Variants in SLCO2B1 observed in about 807,000 individuals in gnomAD.
The protein encoded by SLCO2B1 is OATP-RP2.
Under a neutral mutation model 67.3 loss-of-function variants are expected in SLCO2B1, and 41 were observed. That is an observed-to-expected ratio of 0.61 (90% CI 0.47 to 0.79). The LOEUF (loss-of-function observed/expected upper bound fraction) is 0.79, where lower values mean the gene tolerates loss of function less well. SLCO2B1 is among the 30% of genes least tolerant of loss of function. SLCO2B1 has a pLI of 0.00. For synonymous variants in SLCO2B1, 379 were observed against 381.4 expected, an observed-to-expected ratio of 0.99 and a Z score of 0.07; for missense variants, 837 against 920.1, an observed-to-expected ratio of 0.91 and a Z score of 1.17.
intron 7 of SLCO2B1, among the ~76,000 whole-genome samples, chr11:75,182,973 G>C (rs908842483): frequency 1.3e-5 from 2 of 152,088 alleles, no homozygotes; most frequent in African/African-American, 2.4e-5. Context: ...CAGCTGTCCA[G>C]GACCCTCCCA....
intron 11 of SLCO2B1, chr11:75,202,310 C>T (rs1489008954): frequency 6.5e-6 from 1 of 152,800 alleles, no homozygotes; most frequent in Admixed American, 6.5e-5. Context: ...AACACAGCCT[C>T]AGGGCTGCGT....
At chr11:75,192,410 G>A (rs764849311) in intron 8 of SLCO2B1, among the ~76,000 whole-genome samples, 14 of 152,152 alleles carry the variant, frequency 9.2e-5, no homozygotes, top group Non-Finnish European at 1.5e-4. Context: ...GGTATAGTAC[G>A]TTAGGTAGAG....
rs372653706 is a variant in SLCO2B1 at position 75,192,999 on chromosome 11, C to T, written c.1076-219C>T. Among the ~76,000 whole-genome samples the T allele has an allele frequency of 2.2e-4, 34 of 151,990 alleles. No individual in the cohort carries two copies. In the East Asian group the frequency reaches 5.0e-3, roughly 22 times the overall value. On this transcript the variant is annotated intron_variant, in intron 8 of 13. Transcript: ENST00000289575. ...CAGAGGTTGCAGTGAGCTGAGATTG[C>T]GCCACTGCACCCCAGCCTGGGCGAC...
intron 7 of SLCO2B1, among the ~76,000 whole-genome samples, chr11:75,177,747 T>C (rs539525396): frequency 1.1e-4 from 17 of 152,290 alleles, no homozygotes; most frequent in African/African-American, 4.1e-4. Context: ...TCAGATGTTC[T>C]TCATAAATAA....
intron 8 of SLCO2B1, among the ~76,000 whole-genome samples, chr11:75,190,344 GTCTAAC>G (rs1944999075): frequency 6.6e-6 from 1 of 152,226 alleles, no homozygotes; most frequent in Non-Finnish European, 1.5e-5. Flanking sequence ...CCAGGGGCCA[GTCTAAC>G]TCTAGGGCCT....
rs1437473063 is a variant in SLCO2B1, at chr11:75,203,409, A to G, written c.1931A>G (p.Asn644Ser). 6 of 1,614,022 alleles carry G rather than the reference A, an allele frequency of 3.7e-6. No individual in the cohort carries two copies. Among genetic ancestry groups the G allele is most frequent in the Non-Finnish European group, 4.2e-6 (5 of 1,180,020 alleles). ...CGAGCTGTCTGTCGCTACTACAATA[A>G]TGACCTGCTCCGAAACCGGTGAGAC... ...GRRAVCRYYN[N>S]DLLRNRFIGL... is the part of the protein sequence containing the mutation. Residue 644 changes from asparagine to serine, a missense_variant, in exon 13 of 14, where the codon AAT becomes AGT. By Grantham distance (46) the Asn-to-Ser change is conservative. Coordinates refer to ENST00000289575, the MANE Select transcript of SLCO2B1 (RefSeq NM_007256.5).
chr11:75,180,247 C>T (rs1269010527), intron 7 of SLCO2B1, among the ~76,000 whole-genome samples: 1 of 152,168 alleles, frequency 6.6e-6, no homozygotes, highest in East Asian at 1.9e-4. Context: ...GAACTCCTGA[C>T]CTTAGATGAT....
chr11:75,160,113 G>T (rs944804715), intron 1 of SLCO2B1, among the ~76,000 whole-genome samples: 1 of 152,198 alleles, frequency 6.6e-6, no homozygotes, highest in African/African-American at 2.4e-5. Context: ...TTCCTTCAGA[G>T]CTGGGGCTCC....
chr11:75,167,263 C>T (rs1356795759), intron 4 of SLCO2B1, among the ~76,000 whole-genome samples: 1 of 152,160 alleles, frequency 6.6e-6, no homozygotes, highest in East Asian at 1.9e-4. Context: ...GTTCTCTAGG[C>T]CTGCGTGGAA....
chr11:75,190,242 T>C (rs908048804), intron 8 of SLCO2B1, among the ~76,000 whole-genome samples: 4 of 152,176 alleles, frequency 2.6e-5, no homozygotes, highest in African/African-American at 9.6e-5. Context: ...TTGTCTCTGG[T>C]GGTTTCAGCT....
At chr11:75,187,305 C>G (rs537657846) in intron 7 of SLCO2B1, among the ~76,000 whole-genome samples, 1 of 152,198 alleles carries the variant, frequency 6.6e-6, no homozygotes, top group South Asian at 2.1e-4. Context: ...ATATTCTCTT[C>G]CCCTCTTTTT....
chr11:75,196,520 C>T lies in SLCO2B1; in HGVS notation c.1440C>T (p.His480=), dbSNP rs896631101. ...TGGTCTTCTCTCCCACCAGTGCCCACCCTGGGCTGGAGCTGTCTCCAAGCT... is the reference window on the plus strand; with the variant it reads ...TGGTCTTCTCTCCCACCAGTGCCCATCCTGGGCTGGAGCTGTCTCCAAGCT... ...IAGITHQTSA[H]PGLELSPSCM... is the part of the protein sequence containing the mutation. The change falls in exon 10 of 14, where the codon CAC becomes CAT. Residue 480 remains histidine (H), a synonymous_variant. Transcript: ENST00000289575. The T allele has an allele frequency of 1.2e-6, 2 of 1,613,364 alleles. No homozygotes were observed. Among genetic ancestry groups the T allele is most frequent in the South Asian group, 2.2e-5 (2 of 90,970 alleles).
intron 3 of SLCO2B1, 50 bp from the exon 4 acceptor site, chr11:75,165,737 C>T: frequency 6.3e-7 from 1 of 1,593,792 alleles, no homozygotes; most frequent in Non-Finnish European, 8.6e-7. Flanking sequence ...GTGCAGGCCC[C>T]CAGCCCTGGG....
chr11:75,197,086 A>G (rs894359569), intron 10 of SLCO2B1, among the ~76,000 whole-genome samples: 2 of 152,242 alleles, frequency 1.3e-5, no homozygotes, highest in African/African-American at 4.8e-5. Context: ...ATTACACTCC[A>G]GTCTGGGCAA....
In SLCO2B1 at chr11:75,193,293, C is replaced by A; in HGVS notation, c.1151C>A (p.Ser384Ter). 1 of 1,614,034 alleles carries A rather than the reference C, an allele frequency of 6.2e-7. No homozygotes were observed. The highest frequency in any genetic ancestry group is 1.1e-5 in the South Asian group (1 of 91,082). ...LLVVLSQVCL[S>*]SMAAGMATFL... ...GTGGTCCTGTCCCAGGTATGCTTGTCATCCATGGCTGCGGGCATGGCCACC... is the reference window on the plus strand; with the variant it reads ...GTGGTCCTGTCCCAGGTATGCTTGTAATCCATGGCTGCGGGCATGGCCACC... Residue 384 changes from serine to a stop codon, truncating the protein, a stop_gained, in exon 9 of 14, where the codon TCA (serine) becomes TAA (stop). Transcript: ENST00000289575. LOFTEE classifies it high-confidence loss of function. The surrounding 1 kb of genome is among the most constrained non-coding windows in gnomAD (Gnocchi z 4.2).
At chr11:75,172,005 A>T (rs1949965855) in intron 6 of SLCO2B1, among the ~76,000 whole-genome samples, 1 of 152,216 alleles carries the variant, frequency 6.6e-6, no homozygotes, top group Non-Finnish European at 1.5e-5. Flanking sequence ...GTTAATTTTC[A>T]CAACAGTCCT....
At chr11:75,168,119 C>G (rs1949914664) in intron 4 of SLCO2B1, among the ~76,000 whole-genome samples, 1 of 152,154 alleles carries the variant, frequency 6.6e-6, no homozygotes, top group Non-Finnish European at 1.5e-5. Context: ...TCTCAAACTC[C>G]TGATCTCAGG....
chr11:75,203,274 C>G, intron 12 of SLCO2B1, 33 bp from the exon 13 acceptor site: 1 of 1,608,260 alleles, frequency 6.2e-7, no homozygotes, highest in Non-Finnish European at 8.5e-7. Context: ...GGACGGTGGG[C>G]CTTCATTGTC....
chr11:75,175,729 A>C lies in SLCO2B1; in HGVS notation c.972+3160A>C, dbSNP rs145805895. Among the ~76,000 whole-genome samples, 210 of 152,216 alleles carry C rather than the reference A, an allele frequency of 1.4e-3. 3 individuals carry two copies. The East Asian group carries it at 0.033, about 24-fold the overall frequency. Reference sequence around the variant, plus strand: ...TGGAGAAATATGTGAGCATTTTCACAGGGGAAAAGAGGGGTGCATTCCACA... The same window carrying C: ...TGGAGAAATATGTGAGCATTTTCACCGGGGAAAAGAGGGGTGCATTCCACA... On this transcript the variant is annotated intron_variant, in intron 7 of 13. Transcript: ENST00000289575.
Sources: allele counts gnomAD v4.1 joint callset (sites outside exome capture counted in the v4.1 genomes callset), GRCh38; gene constraint gnomAD v4.1.1; non-coding constraint Gnocchi (gnomAD v3.1); transcripts MANE v1.5; gene names NCBI Gene and HGNC (gene_info 2026-07-23, HGNC 2026-07-21).